CSE1L: variants seen among roughly 807,000 people sequenced by gnomAD.
CSE1L encodes the protein exportin-2.
Under a neutral mutation model 120.4 loss-of-function variants are expected in CSE1L, and 24 were observed. That is an observed-to-expected ratio of 0.20 (90% CI 0.14 to 0.28). The LOEUF (loss-of-function observed/expected upper bound fraction) is 0.28, where lower values mean the gene tolerates loss of function less well. Ranked by LOEUF, CSE1L falls within the 10% of genes least tolerant of loss-of-function variation. The pLI, the probability that CSE1L is intolerant of heterozygous loss-of-function variation, is 1.00. For missense variants in CSE1L, 830 were observed against 1,145.2 expected (o/e 0.72, Z 3.97); for synonymous variants, 402 against 398.3 (o/e 1.01, Z -0.11).
intron 14 of CSE1L, among the ~76,000 whole-genome samples, chr20:49,081,091 C>T (rs1375578854): frequency 6.7e-6 from 1 of 150,066 alleles, no homozygotes; most frequent in African/African-American, 2.5e-5. Flanking sequence ...TCAAGTGATT[C>T]TCTTGCCTCA....
At chr20:49,057,928 G>A (rs1021755714) in intron 1 of CSE1L, among the ~76,000 whole-genome samples, 1 of 152,048 alleles carries the variant, frequency 6.6e-6, no homozygotes, top group Non-Finnish European at 1.5e-5. Flanking sequence ...CACCATGCCC[G>A]GCTTCAATTT....
At chr20:49,053,347 CTTTTTTTTTTTTT>C (rs11419181) in intron 1 of CSE1L, among the ~76,000 whole-genome samples, 10 of 63,750 alleles carry the variant, frequency 1.6e-4, no homozygotes, top group South Asian at 7.5e-4. Context: ...AGCAAACTAA[CTTTTTTTTTTTTT>C]TTTTTTTTTT....
rs1370536272 is a variant in CSE1L, at chr20:49,089,764, A to G, written c.2181+18A>G. Reference sequence around the variant, plus strand: ...ACAAAATTGTGCGTCAGGTTTTGATATAACTGTAATTTTATAAAGTAGCTT... The same window carrying G: ...ACAAAATTGTGCGTCAGGTTTTGATGTAACTGTAATTTTATAAAGTAGCTT... On this transcript the variant is annotated intron_variant, in intron 19 of 24. Transcript: ENST00000262982. 3 of 1,608,452 alleles carry G rather than the reference A, an allele frequency of 1.9e-6. No individual in the cohort carries two copies. Among genetic ancestry groups the G allele is most frequent in the Non-Finnish European group, 2.6e-6 (3 of 1,175,216 alleles).
intron 14 of CSE1L, among the ~76,000 whole-genome samples, chr20:49,080,246 G>GTTT (rs1235683710): frequency 1.4e-5 from 2 of 140,288 alleles, no homozygotes; most frequent in Non-Finnish European, 3.1e-5. Context: ...ATATCTGGTT[G>GTTT]TTTTGTTTTT....
At chr20:49,086,359 CTTTTTTTT>C (rs10648977) in intron 16 of CSE1L, among the ~76,000 whole-genome samples, 9 of 77,644 alleles carry the variant, frequency 1.2e-4, no homozygotes, top group Admixed American at 4.8e-4. Context: ...GTTTAATGTC[CTTTTTTTT>C]TTTTTTTTTT....
intron 16 of CSE1L, among the ~76,000 whole-genome samples, chr20:49,086,359 C>CTTT (rs10648977): frequency 0.036 from 2,761 of 77,568 alleles, 207 homozygotes; most frequent in African/African-American, 0.094. Flanking sequence ...GTTTAATGTC[C>CTTT]TTTTTTTTTT....
chr20:49,096,309 A>C (rs749928011), intron 24 of CSE1L, 40 bp from the exon 25 acceptor site: 23 of 1,510,372 alleles, frequency 1.5e-5, no homozygotes, highest in Non-Finnish European at 2.0e-5. Flanking sequence ...TGGCGCACCA[A>C]GATCTCCAAC....
Position 49,096,686 on chromosome 20 carries a change from C to T in CSE1L, c.*248C>T, listed in dbSNP as rs1214638358. On this transcript the variant is annotated 3_prime_UTR_variant, in exon 25 of 25. Coordinates refer to ENST00000262982, the MANE Select transcript of CSE1L (RefSeq NM_001316.4). ...CAAGTATTAATAGTTCAGTGTATGG[C>T]GTTGGTTTGTGTTGAGCGTTTGCAC... 3 of 516,518 alleles carry T rather than the reference C, an allele frequency of 5.8e-6. No individual in the cohort carries two copies. Among genetic ancestry groups the T allele is most frequent in the East Asian group, 6.6e-5 (2 of 30,530 alleles). The allele number at this position is 516,518 out of a possible 1,614,324, so 32.0% of individuals were successfully genotyped here.
At position 49,068,891 on chromosome 20, in the gene CSE1L, G is replaced by C. The variant is rs554208160; in HGVS notation, c.675+69G>C. ...TTTAAATAGAGTTTTCTTTCTGTTT[G>C]ATAAAGACTTCTTTGCCAGCATTGA... On this transcript the variant is annotated intron_variant, in intron 7 of 24. Coordinates refer to ENST00000262982, the MANE Select transcript of CSE1L (RefSeq NM_001316.4). The C allele has an allele frequency of 3.4e-5, 37 of 1,081,192 alleles. No individual in the cohort carries two copies. In the Admixed American group the frequency reaches 7.3e-4, roughly 21 times the overall value. The allele number at this position is 1,081,192 out of a possible 1,614,324, so 67.0% of individuals were successfully genotyped here.
chr20:49,096,697 G>A lies in CSE1L; in HGVS notation c.*259G>A. ...AGTTCAGTGTATGGCGTTGGTTTGT[G>A]TTGAGCGTTTGCACGGTTTGGATAA... On this transcript the variant is annotated 3_prime_UTR_variant, in exon 25 of 25. Coordinates refer to ENST00000262982, the MANE Select transcript of CSE1L (RefSeq NM_001316.4). 2.1e-6 allele frequency: 1 copy of A among 476,836 alleles called. No homozygotes were observed. The highest frequency in any genetic ancestry group is 3.0e-5 in the South Asian group (1 of 33,538). 29.5% of individuals were successfully genotyped at this position (476,836 alleles called of 1,614,324 possible).
chr20:49,095,016 CA>C, intron 24 of CSE1L, 53 bp downstream of exon 24: 1 of 1,371,532 alleles, frequency 7.3e-7, no homozygotes, highest in Non-Finnish European at 1.0e-6. Context: ...AATGGGAGGG[CA>C]AAAGGATAGT....
intron 19 of CSE1L, 32 bp downstream of exon 19, chr20:49,089,778 A>T: frequency 6.3e-7 from 1 of 1,597,048 alleles, no homozygotes; most frequent in Non-Finnish European, 8.6e-7. Context: ...CTGTAATTTT[A>T]TAAAGTAGCT....
intron 1 of CSE1L, among the ~76,000 whole-genome samples, chr20:49,047,557 C>CTCTTT (rs1196165421): frequency 1.6e-4 from 16 of 98,306 alleles, no homozygotes; most frequent in Admixed American, 5.8e-4. Flanking sequence ...TTTTTCTTTT[C>CTCTTT]TCTTTTCTTT....
chr20:49,078,474 T>G (rs1487269966), intron 13 of CSE1L, 87 bp from the exon 14 acceptor site: 1 of 868,972 alleles, frequency 1.2e-6, no homozygotes, highest in Non-Finnish European at 1.8e-6. Flanking sequence ...ACATTTTATC[T>G]TTTTTTATAA....
intron 22 of CSE1L, among the ~76,000 whole-genome samples, chr20:49,093,209 A>C (rs768529305): frequency 5.3e-5 from 8 of 152,330 alleles, no homozygotes; most frequent in South Asian, 2.1e-4. Flanking sequence ...AATCTCATGC[A>C]CTGCTAGTGG....
rs770879810 is a variant in CSE1L at position 49,089,777 on chromosome 20, T to C, written c.2181+31T>C. The C allele has an allele frequency of 3.8e-6, 6 of 1,597,620 alleles. No individual in the cohort carries two copies. In the South Asian group the frequency reaches 6.6e-5, roughly 18 times the overall value. ...TCAGGTTTTGATATAACTGTAATTTTATAAAGTAGCTTGGAGAAACTGGGG... is the reference window on the plus strand; with the variant it reads ...TCAGGTTTTGATATAACTGTAATTTCATAAAGTAGCTTGGAGAAACTGGGG... On this transcript the variant is annotated intron_variant, in intron 19 of 24. Transcript: ENST00000262982.
At chr20:49,064,335 CT>C (rs1332370570) in intron 3 of CSE1L, among the ~76,000 whole-genome samples, 1 of 152,176 alleles carries the variant, frequency 6.6e-6, no homozygotes, top group Non-Finnish European at 1.5e-5. Context: ...TAGAGTCTTA[CT>C]TTTTTTCTCA....
At chr20:49,094,048 T>A in intron 22 of CSE1L, 92 bp from the exon 23 acceptor site, 1 of 788,704 alleles carries the variant, frequency 1.3e-6, no homozygotes, top group Non-Finnish European at 2.0e-6. Flanking sequence ...TAGTAATTTA[T>A]CATATTCATA....
intron 14 of CSE1L, among the ~76,000 whole-genome samples, chr20:49,080,246 G>GTT (rs1235683710): frequency 7.8e-5 from 11 of 140,298 alleles, no homozygotes; most frequent in Admixed American, 7.1e-5. Flanking sequence ...ATATCTGGTT[G>GTT]TTTTGTTTTT....
Sources: gnomAD v4.1 joint callset for allele counts (sites outside exome capture counted in the v4.1 genomes callset) on GRCh38, gnomAD v4.1.1 for gene constraint, MANE v1.5 for transcripts, NCBI Gene and HGNC (gene_info 2026-07-23, HGNC 2026-07-21) for gene names.